Variants in SLC37A1 observed in about 807,000 individuals in gnomAD.
The protein encoded by SLC37A1 is solute carrier family 37 member 1.
A neutral mutation model predicts 75.3 loss-of-function variants in SLC37A1; 49 were observed. The observed-to-expected ratio is 0.65, with a 90% CI of 0.52 to 0.83. The LOEUF is 0.83. Ranked by LOEUF, SLC37A1 falls within the 40% of genes least tolerant of loss-of-function variation. SLC37A1 has a pLI of 0.00. For synonymous variants in SLC37A1, 268 were observed against 292.1 expected (o/e 0.92, Z 0.84); for missense variants, 566 against 695.0 (o/e 0.81, Z 2.09).
rs377035463 is a variant in SLC37A1, at chr21:42,541,688, C to T, written c.487-716C>T. On this transcript the variant is annotated intron_variant, in intron 6 of 19. Coordinates refer to ENST00000352133, the MANE Select transcript of SLC37A1 (RefSeq NM_001320537.2). ...CAATTCACAAGCCATGTTTATCATA[C>T]AATTCTATAAACAGTTCATAAAGAG... Among the ~76,000 whole-genome samples the T allele has an allele frequency of 1.5e-4, 23 of 152,310 alleles. 1 individual carries two copies. The highest frequency in any genetic ancestry group is 4.6e-4 in the African/African-American group (19 of 41,554).
chr21:42,548,389 A>G lies in SLC37A1; in HGVS notation c.768+1249A>G, dbSNP rs1394937057. 6.6e-6 allele frequency among the ~76,000 whole-genome samples: 1 copy of G among 152,014 alleles called. No homozygotes were observed. The highest frequency in any genetic ancestry group is 2.4e-5 in the African/African-American group (1 of 41,388). On this transcript the variant is annotated intron_variant, in intron 9 of 19. Coordinates refer to ENST00000352133, the MANE Select transcript of SLC37A1 (RefSeq NM_001320537.2). The surrounding 1 kb of genome is among the most constrained non-coding windows in gnomAD (Gnocchi z 5.6). ...CCCCTGCACAAGCCGATCCCCCAGC[A>G]TCCCCCATCTCAGTCAGGAAGCTGC...
chr21:42,504,913 T>G (rs970930476), intron 2 of SLC37A1, among the ~76,000 whole-genome samples: 1 of 152,166 alleles, frequency 6.6e-6, no homozygotes, highest in Non-Finnish European at 1.5e-5. Context: ...CAGGGACCAG[T>G]TCTTTCCTTC....
At chr21:42,508,122 C>CTT (rs398036474) in intron 2 of SLC37A1, among the ~76,000 whole-genome samples, 2,555 of 80,812 alleles carry the variant, frequency 0.032, 32 homozygotes, top group Middle Eastern at 0.049. Context: ...AGAGTACGCT[C>CTT]TTTTTTTTTT....
chr21:42,512,941 G>A (rs1324693473), upstream of SLC37A1, among the ~76,000 whole-genome samples: 1 of 152,266 alleles, frequency 6.6e-6, no homozygotes, highest in African/African-American at 2.4e-5. Flanking sequence ...GAAGCTCAAC[G>A]TGCCTGGGGA....
rs1235761407 is a variant in SLC37A1 at position 42,552,543 on chromosome 21, G to GAGTT, written c.769-1518_769-1515dup. 6.6e-6 allele frequency among the ~76,000 whole-genome samples: 1 copy of GAGTT among 152,232 alleles called. No homozygotes were observed. Among genetic ancestry groups the GAGTT allele is most frequent in the East Asian group, 1.9e-4 (1 of 5,202 alleles). The stretch of plus-strand genomic sequence containing the variant: ...ACCAATTAGAACAGTGCCAGGCACA[G>GAGTT]AGTTGATGCTTAATAATTATTTGTT... On this transcript the variant is annotated intron_variant, in intron 9 of 19. Coordinates refer to ENST00000352133, the MANE Select transcript of SLC37A1 (RefSeq NM_001320537.2). This position sits in a 1 kb window ranked among gnomAD's most constrained non-coding sequence, Gnocchi z 4.2.
At position 42,545,527 on chromosome 21, in the gene SLC37A1, C is replaced by T. The variant is rs1432716296; in HGVS notation, c.731-1576C>T. Among the ~76,000 whole-genome samples, 1 of 152,240 alleles carries T rather than the reference C, an allele frequency of 6.6e-6. No homozygotes were observed. The highest frequency in any genetic ancestry group is 2.4e-5 in the African/African-American group (1 of 41,460). Reference sequence around the variant, plus strand: ...CTGCTCCTTCACTCTTGTCTCCTGCCCAGGGTGAGCCCCAAAGGACAGGGC... The same window carrying T: ...CTGCTCCTTCACTCTTGTCTCCTGCTCAGGGTGAGCCCCAAAGGACAGGGC... On this transcript the variant is annotated intron_variant, in intron 8 of 19. Transcript: ENST00000352133. The surrounding 1 kb of genome is among the most constrained non-coding windows in gnomAD (Gnocchi z 4.0).
chr21:42,518,096 C>T (rs1291627950), intron 1 of SLC37A1, among the ~76,000 whole-genome samples, 181 bp from the exon 2 acceptor site: 1 of 152,230 alleles, frequency 6.6e-6, no homozygotes, highest in African/African-American at 2.4e-5. Flanking sequence ...AGGGTAGATA[C>T]TCCACCTCAC....
At chr21:42,546,360 G>A (rs1050040882) in intron 8 of SLC37A1, among the ~76,000 whole-genome samples, 1 of 152,176 alleles carries the variant, frequency 6.6e-6, no homozygotes, top group Non-Finnish European at 1.5e-5. Flanking sequence ...CAAGATAGAT[G>A]TTTTATCTCC....
intron 11 of SLC37A1, 136 bp from the exon 12 acceptor site, chr21:42,561,942 G>T: frequency 1.4e-6 from 1 of 713,412 alleles, no homozygotes. Flanking sequence ...TCCCCAGTAC[G>T]TGTCTGGAGG....
intron 16 of SLC37A1, 126 bp downstream of exon 16, chr21:42,567,184 A>T (rs772876379): frequency 4.9e-4 from 441 of 905,262 alleles, no homozygotes; most frequent in Non-Finnish European, 6.7e-4. Flanking sequence ...CAGCTCACCT[A>T]CACCTGTGGT....
chr21:42,575,325 C>T (rs2147067022), intron 18 of SLC37A1: 1 of 985,484 alleles, frequency 1.0e-6, no homozygotes, highest in Middle Eastern at 5.2e-4. Context: ...AGCCTGGCCT[C>T]CCAGTGGTCA....
At chr21:42,569,649 G>A (rs539024922) in intron 17 of SLC37A1, among the ~76,000 whole-genome samples, 11 of 152,336 alleles carry the variant, frequency 7.2e-5, no homozygotes, top group Admixed American at 5.9e-4. Context: ...CTTCCGACTC[G>A]GCCTCCAGGC....
chr21:42,577,224 A>T (rs1258405847), intron 18 of SLC37A1, among the ~76,000 whole-genome samples: 1 of 152,156 alleles, frequency 6.6e-6, no homozygotes, highest in African/African-American at 2.4e-5. Context: ...AAAAAAAGTG[A>T]TATTCCTAAG....
At chr21:42,505,768 T>A (rs1028619039) in intron 2 of SLC37A1, among the ~76,000 whole-genome samples, 1 of 152,222 alleles carries the variant, frequency 6.6e-6, no homozygotes, top group African/African-American at 2.4e-5. Context: ...TTTCTAAAAG[T>A]TAAAACCAGA....
upstream of SLC37A1, among the ~76,000 whole-genome samples, chr21:42,511,701 T>C (rs1472097780): frequency 6.6e-6 from 1 of 152,204 alleles, no homozygotes; most frequent in Non-Finnish European, 1.5e-5. Context: ...GGAGGATCAC[T>C]TGGGCCTGGG....
In SLC37A1 at chr21:42,535,638, G is replaced by A. The variant is rs888011446; in HGVS notation, c.350+88G>A. 61 of 1,202,188 alleles carry A rather than the reference G, an allele frequency of 5.1e-5. No homozygotes were observed. In the African/African-American group the frequency reaches 8.0e-4, roughly 16 times the overall value. The allele number at this position is 1,202,188 out of a possible 1,614,324, so 74.5% of individuals were successfully genotyped here. A position where few individuals can be genotyped will look rare whatever the true frequency, so the allele number is the denominator to read the frequency against. On this transcript the variant is annotated intron_variant, in intron 5 of 19. Transcript: ENST00000352133. ...ATCCGCTATGCTGAAGTGCACAGGCGCGCGGGATTGAGGCCCCCGCTTGCC... is the reference window on the plus strand; with the variant it reads ...ATCCGCTATGCTGAAGTGCACAGGCACGCGGGATTGAGGCCCCCGCTTGCC...
chr21:42,504,477 G>GATAT (rs2054366836), intron 2 of SLC37A1, among the ~76,000 whole-genome samples: 1 of 152,182 alleles, frequency 6.6e-6, no homozygotes, highest in Non-Finnish European at 1.5e-5. Context: ...TGTGTGTCAT[G>GATAT]ATATTTTCTT....
intron 17 of SLC37A1, among the ~76,000 whole-genome samples, chr21:42,571,486 A>G (rs898046918): frequency 1.3e-5 from 2 of 152,176 alleles, no homozygotes; most frequent in Non-Finnish European, 2.9e-5. Flanking sequence ...GAAGCTAGAC[A>G]GTCCTACAAG....
At chr21:42,551,088 T>A (rs1047993481) in intron 9 of SLC37A1, among the ~76,000 whole-genome samples, 1 of 152,208 alleles carries the variant, frequency 6.6e-6, no homozygotes, top group African/African-American at 2.4e-5. Flanking sequence ...GAAAAGGATA[T>A]AAACGGCATG....
Sources: gnomAD v4.1 joint callset for allele counts (sites outside exome capture counted in the v4.1 genomes callset) on GRCh38, gnomAD v4.1.1 for gene constraint, Gnocchi (gnomAD v3.1) non-coding constraint, MANE v1.5 for transcripts, NCBI Gene and HGNC (gene_info 2026-07-23, HGNC 2026-07-21) for gene names.